Variants in TP63 observed in about 807,000 individuals in gnomAD.
TP63 encodes tumor protein 63.
A neutral mutation model predicts 82.8 loss-of-function variants in TP63; 17 were observed. The observed-to-expected ratio is 0.21, with a 90% CI of 0.14 to 0.31. The LOEUF (loss-of-function observed/expected upper bound fraction) is 0.31. Ranked by LOEUF, TP63 falls within the 10% of genes least tolerant of loss-of-function variation. The pLI, the probability that TP63 is intolerant of heterozygous loss-of-function variation, is 1.00. For synonymous variants in TP63, 330 were observed against 321.7 expected (o/e 1.03, Z -0.28); for missense variants, 648 against 895.3 (o/e 0.72, Z 3.52).
At chr3:189,735,565 C>A (rs1720518966) in intron 1 of TP63, among the ~76,000 whole-genome samples, 1 of 152,092 alleles carries the variant, frequency 6.6e-6, no homozygotes, top group Admixed American at 6.5e-5. Context: ...GTAACACAAC[C>A]AATATCTGAT....
intron 1 of TP63, among the ~76,000 whole-genome samples, chr3:189,717,738 G>A (rs1397178789): frequency 6.6e-6 from 1 of 152,164 alleles, no homozygotes; most frequent in Non-Finnish European, 1.5e-5. Context: ...CTTCTGTGCT[G>A]CATAAGCCCT....
the TP63 span, among the ~76,000 whole-genome samples, chr3:189,599,710 AT>A: frequency 6.6e-6 from 1 of 152,082 alleles, no homozygotes; most frequent in Non-Finnish European, 1.5e-5. Flanking sequence ...AGTAACCCAT[AT>A]TTTTTTCAAG....
chr3:189,765,728 C>G (rs142061343), intron 3 of TP63, among the ~76,000 whole-genome samples: 1 of 151,618 alleles, frequency 6.6e-6, no homozygotes, highest in Non-Finnish European at 1.5e-5. Flanking sequence ...CCACCGCGCC[C>G]GGCCTGTCCT....
At chr3:189,677,034 C>T (rs141792854) in intron 1 of TP63, among the ~76,000 whole-genome samples, 2,473 of 149,000 alleles carry the variant, frequency 0.017, 26 homozygotes, top group Middle Eastern at 0.051. Flanking sequence ...TCTATGTCCA[C>T]GTACAGGGTA....
chr3:189,746,071 C>A (rs1721351891), intron 3 of TP63, among the ~76,000 whole-genome samples: 1 of 151,856 alleles, frequency 6.6e-6, no homozygotes, highest in African/African-American at 2.4e-5. Flanking sequence ...CGGAACTCTC[C>A]AAATAGACAC....
chr3:189,610,367 G>T, the TP63 span, among the ~76,000 whole-genome samples: 2 of 152,142 alleles, frequency 1.3e-5, no homozygotes, highest in African/African-American at 2.4e-5. Flanking sequence ...CCTCTTGAAT[G>T]CTTTGCTGCT....
chr3:189,725,007 G>A (rs1233319125), intron 1 of TP63, among the ~76,000 whole-genome samples: 1 of 152,126 alleles, frequency 6.6e-6, no homozygotes, highest in Non-Finnish European at 1.5e-5. Context: ...TTCTCACCAT[G>A]ATTTGCACAA....
intron 3 of TP63, among the ~76,000 whole-genome samples, chr3:189,787,473 A>G (rs1306098398): frequency 1.3e-5 from 2 of 152,066 alleles, no homozygotes; most frequent in Non-Finnish European, 2.9e-5. Context: ...CAAAGTTCTC[A>G]AGTAGCCATA....
rs1270392091 is a variant in TP63, at chr3:189,647,734, G to GA, written c.62+16166dup. Among the ~76,000 whole-genome samples, 5 of 144,750 alleles carry GA rather than the reference G, an allele frequency of 3.5e-5. 1 individual carries two copies. The South Asian group carries it at 9.1e-4, about 26-fold the overall frequency. 95.0% of individuals were successfully genotyped at this position (144,750 alleles called of 152,430 possible). Reference sequence around the variant, plus strand: ...AATTATCAAAGAACATTGTCTTAAAGAAAAAAAAAGTAAAACAAACCTCTA... The same window carrying GA: ...AATTATCAAAGAACATTGTCTTAAAGAAAAAAAAAAGTAAAACAAACCTCTA... On this transcript the variant is annotated intron_variant, in intron 1 of 13. Coordinates refer to ENST00000264731, the MANE Select transcript of TP63 (RefSeq NM_003722.5).
intron 10 of TP63, among the ~76,000 whole-genome samples, chr3:189,885,917 T>G (rs1720398979): frequency 6.6e-6 from 1 of 152,218 alleles, no homozygotes; most frequent in South Asian, 2.1e-4. Context: ...GGGTTTGTAG[T>G]CATTTTCTGC....
At chr3:189,612,358 G>A in the TP63 span, among the ~76,000 whole-genome samples, 2 of 151,988 alleles carry the variant, frequency 1.3e-5, no homozygotes, top group African/African-American at 4.8e-5. Flanking sequence ...AAAATCTGAT[G>A]GCTTTATCAG....
upstream of TP63, among the ~76,000 whole-genome samples, chr3:189,627,312 T>TAAAC (rs1366693240): frequency 1.3e-5 from 2 of 152,088 alleles, no homozygotes; most frequent in Admixed American, 1.3e-4. Flanking sequence ...TCTTAATAGC[T>TAAAC]AAACAAACAA....
At chr3:189,626,396 T>C (rs2108597517), upstream of TP63, among the ~76,000 whole-genome samples, 1 of 152,300 alleles carries the variant, frequency 6.6e-6, no homozygotes, top group African/African-American at 2.4e-5. Flanking sequence ...TCTTTCCTGC[T>C]CTCCTCACTA....
In TP63 at chr3:189,896,641, G is replaced by A. The variant is rs35356690; in HGVS notation, c.*2139G>A. 956 of 207,080 alleles carry A rather than the reference G, an allele frequency of 4.6e-3. 7 individuals are homozygous for A. The highest frequency in any genetic ancestry group is 0.02 in the African/African-American group (862 of 44,010). 12.8% of individuals were successfully genotyped at this position (207,080 alleles called of 1,614,324 possible). A position where few individuals can be genotyped will look rare whatever the true frequency, so the allele number is the denominator to read the frequency against. ...AAACTGCTTCCCTTACTTTGCTGAGGGTTTGAATAAACCTAGGACTTCCGA... is the reference window on the plus strand; with the variant it reads ...AAACTGCTTCCCTTACTTTGCTGAGAGTTTGAATAAACCTAGGACTTCCGA... On this transcript the variant is annotated 3_prime_UTR_variant, in exon 14 of 14. Transcript: ENST00000264731.
rs146989020 is a variant in TP63 at position 189,763,978 on chromosome 3, T to C, written c.324+25204T>C. On this transcript the variant is annotated intron_variant, in intron 3 of 13. Coordinates refer to ENST00000264731, the MANE Select transcript of TP63 (RefSeq NM_003722.5). ...CAGCTGAGGGTCAATTAAAGAAAAA[T>C]AGGAATACTCTATAACCTGGTGCTC... 6.6e-5 allele frequency among the ~76,000 whole-genome samples: 10 copies of C among 152,034 alleles called. No homozygotes were observed. In the East Asian group the frequency reaches 1.9e-3, roughly 29 times the overall value.
intron 1 of TP63, 78 bp from the exon 2 acceptor site, chr3:189,737,660 GAT>G (rs1720693577): frequency 1.3e-6 from 2 of 1,505,166 alleles, no homozygotes; most frequent in Non-Finnish European, 1.8e-6. Flanking sequence ...ATGTTTTCAT[GAT>G]AGAGTATGCT....
chr3:189,679,831 G>A (rs1364561253), intron 1 of TP63, among the ~76,000 whole-genome samples: 1 of 152,068 alleles, frequency 6.6e-6, no homozygotes, highest in East Asian at 1.9e-4. Context: ...TTTAATTCTT[G>A]ACGTGGATAT....
chr3:189,723,578 T>G (rs1719552461), intron 1 of TP63, among the ~76,000 whole-genome samples: 1 of 152,234 alleles, frequency 6.6e-6, no homozygotes, highest in South Asian at 2.1e-4. Flanking sequence ...TATACTGTGC[T>G]AATCTGTGAA....
At chr3:189,673,008 T>C (rs1260091715) in intron 1 of TP63, among the ~76,000 whole-genome samples, 1 of 152,078 alleles carries the variant, frequency 6.6e-6, no homozygotes. Flanking sequence ...GCCTGGCTAA[T>C]TTTTGTATTT....
Sources: allele counts gnomAD v4.1 joint callset (sites outside exome capture counted in the v4.1 genomes callset), GRCh38; gene constraint gnomAD v4.1.1; transcripts MANE v1.5; gene names NCBI Gene and HGNC (gene_info 2026-07-23, HGNC 2026-07-21).